The following SNTB1 variants were observed in gnomAD, a reference collection of about 807,000 sequenced individuals.
The protein encoded by SNTB1 is syntrophin beta 1.
In SNTB1, 36 loss-of-function variants were observed where a neutral mutation model predicts 48.9. The observed-to-expected ratio is 0.74, with a 90% CI of 0.56 to 0.97. The LOEUF (loss-of-function observed/expected upper bound fraction) is 0.97, where lower values mean the gene tolerates loss of function less well. SNTB1 is among the 50% of genes least tolerant of loss of function. The pLI, the probability that SNTB1 is intolerant of heterozygous loss-of-function variation, is 0.00. For synonymous variants in SNTB1, 299 were observed against 294.6 expected, an observed-to-expected ratio of 1.01 and a Z score of -0.15; for missense variants, 786 against 703.4, an observed-to-expected ratio of 1.12 and a Z score of -1.33.
chr8:120,736,524 A>C (rs1818947855), intron 1 of SNTB1, among the ~76,000 whole-genome samples: 1 of 152,232 alleles, frequency 6.6e-6, no homozygotes, highest in Non-Finnish European at 1.5e-5. Flanking sequence ...GTTTTGCTGG[A>C]GACCAAAGCT....
chr8:120,590,002 C>T (rs189275749), intron 3 of SNTB1, among the ~76,000 whole-genome samples: 1 of 152,276 alleles, frequency 6.6e-6, no homozygotes, highest in East Asian at 1.9e-4. Flanking sequence ...CTTGCACATT[C>T]ACCCTCCTCT....
chr8:120,583,560 C>A lies in SNTB1; in HGVS notation c.997-8335G>T, dbSNP rs185227803. Among the ~76,000 whole-genome samples the A allele has an allele frequency of 4.6e-3, 619 of 134,798 alleles. 6 individuals carry two copies. The highest frequency in any genetic ancestry group is 0.016 in the African/African-American group (593 of 36,692). 88.4% of individuals were successfully genotyped at this position (134,798 alleles called of 152,430 possible). On this transcript the variant is annotated intron_variant, in intron 3 of 6. Transcript: ENST00000517992. The stretch of plus-strand genomic sequence containing the variant: ...ACACACACACACACACACACACACA[C>A]AAAACTGGAACAGTACTATCTCTCT...
intron 3 of SNTB1, among the ~76,000 whole-genome samples, chr8:120,605,089 C>T (rs984916603): frequency 3.3e-5 from 5 of 152,194 alleles, no homozygotes; most frequent in African/African-American, 9.6e-5. Flanking sequence ...TTGGTCACTG[C>T]ATATTCCTAC....
chr8:120,609,876 A>G (rs1043609044), intron 3 of SNTB1, among the ~76,000 whole-genome samples: 9 of 152,130 alleles, frequency 5.9e-5, no homozygotes, highest in Admixed American at 5.9e-4. Context: ...GTGGCCCAAC[A>G]CTTCCTGGGA....
chr8:120,634,883 G>T lies in SNTB1; in HGVS notation c.789-2232C>A, dbSNP rs1216075232. On this transcript the variant is annotated intron_variant, in intron 2 of 6. Coordinates refer to ENST00000517992, the MANE Select transcript of SNTB1 (RefSeq NM_021021.4). ...TTTTTTTTTTTTGAGACGGAGTCTCGCTCTGTCGCCCAGGCTGGAGTGCAG... is the reference window on the plus strand; with the variant it reads ...TTTTTTTTTTTTGAGACGGAGTCTCTCTCTGTCGCCCAGGCTGGAGTGCAG... 2.6e-4 allele frequency among the ~76,000 whole-genome samples: 38 copies of T among 143,826 alleles called. No homozygotes were observed. In the Admixed American group the frequency reaches 2.7e-3, roughly 10 times the overall value. The allele number at this position is 143,826 out of a possible 152,430, so 94.4% of individuals were successfully genotyped here. A position where few individuals can be genotyped will look rare whatever the true frequency, so the allele number is the denominator to read the frequency against.
chr8:120,626,694 G>T (rs1816891116), intron 3 of SNTB1, among the ~76,000 whole-genome samples: 1 of 151,698 alleles, frequency 6.6e-6, no homozygotes, highest in African/African-American at 2.4e-5. Flanking sequence ...TTTATCCTTT[G>T]CACTTTCAAT....
chr8:120,561,540 G>A (rs1374708085), intron 4 of SNTB1, among the ~76,000 whole-genome samples: 2 of 151,862 alleles, frequency 1.3e-5, no homozygotes, highest in East Asian at 3.9e-4. Flanking sequence ...TTATTTAGCA[G>A]TCTTGGAGCT....
intron 1 of SNTB1, among the ~76,000 whole-genome samples, chr8:120,741,336 C>T (rs990916976): frequency 3.9e-5 from 6 of 152,190 alleles, no homozygotes; most frequent in East Asian, 3.9e-4. Flanking sequence ...CGGCCAGGCA[C>T]GGTGGCTCAC....
At chr8:120,644,992 C>A (rs551537580) in intron 2 of SNTB1, among the ~76,000 whole-genome samples, 2 of 151,178 alleles carry the variant, frequency 1.3e-5, no homozygotes, top group Non-Finnish European at 3.0e-5. Context: ...TGTCCTTCGC[C>A]CACTTTTTGA....
At chr8:120,676,830 A>C (rs1350419326) in intron 2 of SNTB1, among the ~76,000 whole-genome samples, 3 of 152,040 alleles carry the variant, frequency 2.0e-5, no homozygotes, top group Non-Finnish European at 4.4e-5. Context: ...CTGAGGTAGG[A>C]GAATTGCCTG....
chr8:120,789,613 C>T (rs746701228), intron 1 of SNTB1, among the ~76,000 whole-genome samples: 3 of 151,766 alleles, frequency 2.0e-5, no homozygotes, highest in African/African-American at 7.3e-5. Flanking sequence ...CCTCTATGCA[C>T]ACAAACAAAA....
intron 1 of SNTB1, chr8:120,768,744 T>C (rs2130090745): frequency 6.6e-6 from 1 of 152,296 alleles, no homozygotes; most frequent in African/African-American, 2.4e-5. Flanking sequence ...GTGAATCTAT[T>C]CCGAGCCTCA....
chr8:120,746,793 T>C (rs1819132334), intron 1 of SNTB1, among the ~76,000 whole-genome samples: 1 of 152,242 alleles, frequency 6.6e-6, no homozygotes, highest in South Asian at 2.1e-4. Flanking sequence ...GCATTTCCTA[T>C]ATTCAGGCTA....
At chr8:120,602,617 T>C (rs1488128820) in intron 3 of SNTB1, among the ~76,000 whole-genome samples, 1 of 152,200 alleles carries the variant, frequency 6.6e-6, no homozygotes, top group Non-Finnish European at 1.5e-5. Context: ...GTGATTATCT[T>C]TCCCTGTGTT....
intron 1 of SNTB1, among the ~76,000 whole-genome samples, chr8:120,751,430 TACTGCACATTCAA>T (rs1180965221): frequency 1.3e-5 from 2 of 152,122 alleles, no homozygotes; most frequent in Non-Finnish European, 2.9e-5. Flanking sequence ...TTCTTTTTAT[TACTGCACATTCAA>T]ATAGCCATAC....
chr8:120,648,470 T>G (rs1292140681), intron 2 of SNTB1, among the ~76,000 whole-genome samples: 2 of 151,764 alleles, frequency 1.3e-5, no homozygotes, highest in Admixed American at 1.3e-4. Context: ...AAAATTCTTT[T>G]CTTTAAGAAT....
intron 1 of SNTB1, among the ~76,000 whole-genome samples, chr8:120,792,602 A>C (rs1313086189): frequency 1.3e-5 from 2 of 152,052 alleles, no homozygotes; most frequent in Non-Finnish European, 2.9e-5. Flanking sequence ...TACCGTGGCA[A>C]GTCCTATATT....
At chr8:120,804,117 G>A (rs1317774812) in intron 1 of SNTB1, among the ~76,000 whole-genome samples, 1 of 152,018 alleles carries the variant, frequency 6.6e-6, no homozygotes, top group African/African-American at 2.4e-5. Context: ...TAGTATGAGT[G>A]GTGGATGATG....
chr8:120,677,055 C>A (rs1440872202), intron 2 of SNTB1, among the ~76,000 whole-genome samples: 1 of 130,084 alleles, frequency 7.7e-6, no homozygotes, highest in Non-Finnish European at 1.6e-5. Context: ...CAGAGTGAGA[C>A]CCTATCTCAA....
Sources: allele counts gnomAD v4.1 joint callset (sites outside exome capture counted in the v4.1 genomes callset), GRCh38; gene constraint gnomAD v4.1.1; transcripts MANE v1.5; gene names NCBI Gene and HGNC (gene_info 2026-07-23, HGNC 2026-07-21).